The following CATSPERE variants were observed in gnomAD, a reference collection of about 807,000 sequenced individuals.
The protein encoded by CATSPERE is catsper channel auxiliary subunit epsilon, also known as cation channel sperm-associated auxiliary subunit epsilon.
A neutral mutation model predicts 114.1 loss-of-function variants in CATSPERE; 93 were observed. The observed-to-expected ratio is 0.81, with a 90% CI of 0.69 to 0.97. CATSPERE has a LOEUF of 0.97. Ranked by LOEUF, CATSPERE falls within the 50% of genes least tolerant of loss-of-function variation. CATSPERE has a pLI of 0.00. For synonymous variants in CATSPERE, 341 were observed against 384.1 expected (o/e 0.89, Z 1.31); for missense variants, 1,058 against 1,131.6 (o/e 0.93, Z 0.93).
intron 8 of CATSPERE, among the ~76,000 whole-genome samples, chr1:244,520,496 A>G (rs929128882): frequency 1.3e-5 from 2 of 152,180 alleles, no homozygotes; most frequent in Non-Finnish European, 2.9e-5. Context: ...ATTGCCCTAC[A>G]TATTCATCCT....
At position 244,623,016 on chromosome 1, in the gene CATSPERE, A is replaced by G. The variant is rs949642125; in HGVS notation, c.2648+5330A>G. The stretch of plus-strand genomic sequence containing the variant: ...CCTTAAAAGTCCATGCTACTATTCT[A>G]TGAGGCTAGTGAATTACATGTATAT... On this transcript the variant is annotated intron_variant, in intron 20 of 21. Coordinates refer to ENST00000366534, the MANE Select transcript of CATSPERE (RefSeq NM_001130957.2). 3.9e-5 allele frequency among the ~76,000 whole-genome samples: 6 copies of G among 152,160 alleles called. No individual in the cohort carries two copies. In the East Asian group the frequency reaches 5.8e-4, roughly 15 times the overall value.
chr1:244,510,500 A>G (rs1675521493), intron 7 of CATSPERE, among the ~76,000 whole-genome samples: 1 of 152,204 alleles, frequency 6.6e-6, no homozygotes, highest in Non-Finnish European at 1.5e-5. Context: ...TTTTAAAAAA[A>G]TGTTTGAGAT....
chr1:244,488,274 T>G (rs1671401688), intron 5 of CATSPERE, among the ~76,000 whole-genome samples: 1 of 152,272 alleles, frequency 6.6e-6, no homozygotes, highest in African/African-American at 2.4e-5. Flanking sequence ...ACTTAATTTC[T>G]ATACCACATT....
intron 17 of CATSPERE, among the ~76,000 whole-genome samples, chr1:244,602,368 ACT>A (rs1305166670): frequency 6.6e-6 from 1 of 152,150 alleles, no homozygotes; most frequent in African/African-American, 2.4e-5. Context: ...TCACTCTGAG[ACT>A]CTGGCAGACT....
intron 8 of CATSPERE, among the ~76,000 whole-genome samples, chr1:244,542,844 C>T (rs1659076654): frequency 6.6e-6 from 1 of 152,032 alleles, no homozygotes; most frequent in Admixed American, 6.6e-5. Flanking sequence ...AACAACAATA[C>T]AATAGGTATG....
chr1:244,595,939 GA>G (rs797002010), intron 17 of CATSPERE, among the ~76,000 whole-genome samples: 1,804 of 147,486 alleles, frequency 0.012, 32 homozygotes, highest in African/African-American at 0.041. Flanking sequence ...TCTCAAAAAA[GA>G]AAAAAAAAAA....
chr1:244,559,259 T>C (rs1662176938), intron 9 of CATSPERE, among the ~76,000 whole-genome samples: 2 of 152,224 alleles, frequency 1.3e-5, no homozygotes, highest in African/African-American at 4.8e-5. Context: ...TCTTTAAGAA[T>C]TGTTTCCAGC....
At chr1:244,511,119 A>G (rs140385063) in intron 7 of CATSPERE, among the ~76,000 whole-genome samples, 2,482 of 152,086 alleles carry the variant, frequency 0.016, 40 homozygotes, top group Non-Finnish European at 0.022. Context: ...CTGGGATTAC[A>G]GGCATGAGCC....
intron 19 of CATSPERE, among the ~76,000 whole-genome samples, chr1:244,610,834 C>T (rs1237275319): frequency 6.6e-6 from 1 of 151,196 alleles, no homozygotes; most frequent in Non-Finnish European, 1.5e-5. Flanking sequence ...AATCTCTGCT[C>T]ACTGCAACTT....
chr1:244,499,253 A>T (rs191164339), intron 7 of CATSPERE, among the ~76,000 whole-genome samples, 174 bp downstream of exon 7: 1 of 152,348 alleles, frequency 6.6e-6, no homozygotes, highest in East Asian at 1.9e-4. Flanking sequence ...ACTTATGCTT[A>T]ATCTCTACAA....
chr1:244,551,651 G>T (rs192372019), intron 8 of CATSPERE, among the ~76,000 whole-genome samples: 1 of 152,112 alleles, frequency 6.6e-6, no homozygotes, highest in African/African-American at 2.4e-5. Context: ...AGGCAATAGG[G>T]CTGGCTCTGG....
chr1:244,613,017 TAGGAAATA>T (rs1156760469), intron 19 of CATSPERE, among the ~76,000 whole-genome samples: 2 of 152,160 alleles, frequency 1.3e-5, no homozygotes, highest in Non-Finnish European at 2.9e-5. Context: ...TCATTCACAT[TAGGAAATA>T]AGGAAATAGG....
chr1:244,507,497 C>T (rs1457213859), intron 7 of CATSPERE, among the ~76,000 whole-genome samples: 7 of 151,920 alleles, frequency 4.6e-5, no homozygotes, highest in Non-Finnish European at 1.5e-5. Flanking sequence ...TAATAAAGTC[C>T]CATTTGTCTA....
chr1:244,560,752 G>A lies in CATSPERE; in HGVS notation c.1114G>A (p.Val372Ile). 6.2e-7 allele frequency: 1 copy of A among 1,613,958 alleles called. No individual in the cohort carries two copies. The highest frequency in any genetic ancestry group is 8.5e-7 in the Non-Finnish European group (1 of 1,179,958). ...GSILLKFARLVTTTELKNILS... is the reference protein window; with the variant it reads ...GSILLKFARLITTTELKNILS... The stretch of plus-strand genomic sequence containing the variant: ...CATTCTTCTTAAGTTTGCCAGATTA[G>A]TAACTACCACAGAACTGAAAAACAT... The change falls in exon 10 of 22, where the codon GTA becomes ATA. Residue 372 changes from valine (V) to isoleucine (I), a missense_variant. Physicochemically the swap from Val to Ile is conservative, Grantham distance 29. This residue lies in a region of CATSPERE where 787 missense variants were observed against 905.6 expected (regional missense o/e 0.87). Coordinates refer to ENST00000366534, the MANE Select transcript of CATSPERE (RefSeq NM_001130957.2).
rs186303681 is a variant in CATSPERE at position 244,521,923 on chromosome 1, C to T, written c.536+3225C>T. Among the ~76,000 whole-genome samples the T allele has an allele frequency of 1.5e-3, 222 of 145,918 alleles. 1 individual carries two copies. Among genetic ancestry groups the T allele is most frequent in the African/African-American group, 5.5e-3 (206 of 37,180 alleles). Reference sequence around the variant, plus strand: ...ATTGGTGAGACTGTCAACATTAGATCAACGAGACAGAAAGTCAACAAGGAT... The same window carrying T: ...ATTGGTGAGACTGTCAACATTAGATTAACGAGACAGAAAGTCAACAAGGAT... On this transcript the variant is annotated intron_variant, in intron 8 of 21. Transcript: ENST00000366534.
intron 1 of CATSPERE, 70 bp downstream of exon 1, chr1:244,461,564 C>G: frequency 5.0e-6 from 6 of 1,207,768 alleles, no homozygotes; most frequent in Non-Finnish European, 5.3e-6. Flanking sequence ...CGGGAGGGTC[C>G]TGCTCTCCAC....
intron 5 of CATSPERE, among the ~76,000 whole-genome samples, chr1:244,489,082 T>C (rs923981901): frequency 6.6e-6 from 1 of 152,228 alleles, no homozygotes; most frequent in Non-Finnish European, 1.5e-5. Context: ...AAAAAAACTT[T>C]CTAGAAAACA....
intron 17 of CATSPERE, among the ~76,000 whole-genome samples, chr1:244,596,608 TG>T (rs1253669287): frequency 6.6e-6 from 1 of 150,398 alleles, no homozygotes; most frequent in Non-Finnish European, 1.5e-5. Flanking sequence ...GGGGCCTGTC[TG>T]GGGTGGGGGG....
intron 7 of CATSPERE, among the ~76,000 whole-genome samples, chr1:244,514,201 AAG>A (rs1467167801): frequency 6.6e-6 from 1 of 152,160 alleles, no homozygotes; most frequent in Non-Finnish European, 1.5e-5. Context: ...GTTTTCTTCT[AAG>A]AGTTTTATCG....
Sources: gnomAD v4.1 joint callset for allele counts (sites outside exome capture counted in the v4.1 genomes callset) on GRCh38, gnomAD v4.1.1 for gene constraint, gnomAD v4.1.1 regional missense constraint, MANE v1.5 for transcripts, NCBI Gene and HGNC (gene_info 2026-07-23, HGNC 2026-07-21) for gene names.